Variants in STK24 observed in about 807,000 individuals in gnomAD.
STK24 encodes serine/threonine kinase 24.
STK24 carries 21 observed loss-of-function variants against 55.6 expected under a neutral mutation model. That is an observed-to-expected ratio of 0.38 (90% CI 0.27 to 0.54). The LOEUF (loss-of-function observed/expected upper bound fraction) is 0.54. STK24 is among the 20% of genes least tolerant of loss of function. The pLI is 0.79. For missense variants in STK24, 383 were observed against 538.4 expected (o/e 0.71, Z 2.86); for synonymous variants, 200 against 215.2 (o/e 0.93, Z 0.62).
Position 98,446,065 on chromosome 13 carries a change from G to A in STK24, c.*7108C>T, listed in dbSNP as rs190014731. On this transcript the variant is annotated 3_prime_UTR_variant, in exon 11 of 11. Transcript: ENST00000539966. ...CTGTGCCCTCCTGGGGCAGGTGCCC[G>A]CTGTGCTTCTCACAGGCCTCCTTGC... 5.8e-4 allele frequency: 862 copies of A among 1,479,498 alleles called. 1 individual carries two copies. The highest frequency in any genetic ancestry group is 6.7e-4 in the Non-Finnish European group (708 of 1,058,096). 91.6% of individuals were successfully genotyped at this position (1,479,498 alleles called of 1,614,324 possible).
intron 1 of STK24, among the ~76,000 whole-genome samples, chr13:98,531,624 A>C (rs1896581540): frequency 6.6e-6 from 1 of 152,166 alleles, no homozygotes; most frequent in African/African-American, 2.4e-5. Flanking sequence ...CTTAATAAGA[A>C]GTTTAAGGTC....
chr13:98,523,310 G>T (rs1896325198), intron 1 of STK24, among the ~76,000 whole-genome samples: 1 of 152,170 alleles, frequency 6.6e-6, no homozygotes, highest in Admixed American at 6.5e-5. Context: ...TTTAAAAACA[G>T]GCGACAAGAA....
chr13:98,448,387 A>G lies in STK24; in HGVS notation c.*4786T>C. Reference sequence around the variant, plus strand: ...CGTTTCCTTTCTTCTGTATTAATGAAGCCTGGTAAAATTAACACCTGTCTG... The same window carrying G: ...CGTTTCCTTTCTTCTGTATTAATGAGGCCTGGTAAAATTAACACCTGTCTG... On this transcript the variant is annotated 3_prime_UTR_variant, in exon 11 of 11. Coordinates refer to ENST00000539966, the MANE Select transcript of STK24 (RefSeq NM_001032296.4). The G allele has an allele frequency of 8.1e-7, 1 of 1,232,250 alleles. No homozygotes were observed. The highest frequency in any genetic ancestry group is 1.7e-5 in the Admixed American group (1 of 58,274). 76.3% of individuals were successfully genotyped at this position (1,232,250 alleles called of 1,614,324 possible). A position where few individuals can be genotyped will look rare whatever the true frequency, so the allele number is the denominator to read the frequency against.
intron 2 of STK24, among the ~76,000 whole-genome samples, chr13:98,513,529 C>T (rs771960991): frequency 6.6e-5 from 10 of 152,132 alleles, no homozygotes; most frequent in Non-Finnish European, 1.0e-4. Context: ...GGGGCAGTGG[C>T]AGGAGGAACA....
chr13:98,548,861 C>CAAAAAAAAAAAAA (rs55793722), intron 1 of STK24, among the ~76,000 whole-genome samples: 2 of 37,804 alleles, frequency 5.3e-5, no homozygotes, highest in African/African-American at 1.8e-4. Flanking sequence ...GACTCTGTCT[C>CAAAAAAAAAAAAA]AAAAAAAAAA....
Position 98,522,553 on chromosome 13 carries a change from C to T in STK24, c.43-3080G>A, listed in dbSNP as rs1896301518. ...CAGGCCTTCCTTCTGAACAGGAACCCCCCAGACCAGCTGCTTCCCAAGCAT... is the reference window on the plus strand; with the variant it reads ...CAGGCCTTCCTTCTGAACAGGAACCTCCCAGACCAGCTGCTTCCCAAGCAT... On this transcript the variant is annotated intron_variant, in intron 1 of 10. Transcript: ENST00000539966. Among the ~76,000 whole-genome samples the T allele has an allele frequency of 2.6e-5, 4 of 152,188 alleles. No homozygotes were observed. The South Asian group carries it at 8.3e-4, about 32-fold the overall frequency.
At chr13:98,501,026 T>C (rs1418031889) in intron 2 of STK24, among the ~76,000 whole-genome samples, 1 of 1,626 alleles carries the variant, frequency 6.2e-4, no homozygotes, top group African/African-American at 2.3e-3. Context: ...AACTTTGAAA[T>C]GAAATGAGAA....
At chr13:98,527,026 A>G (rs1337920485) in intron 1 of STK24, among the ~76,000 whole-genome samples, 1 of 152,250 alleles carries the variant, frequency 6.6e-6, no homozygotes, top group Admixed American at 6.5e-5. Flanking sequence ...AGTGACATAT[A>G]TCGATACACA....
At chr13:98,557,901 T>C (rs1489614483) in intron 1 of STK24, among the ~76,000 whole-genome samples, 1 of 152,230 alleles carries the variant, frequency 6.6e-6, no homozygotes, top group Non-Finnish European at 1.5e-5. Flanking sequence ...CTTTTGAACA[T>C]TCTAATCTGT....
At chr13:98,559,741 C>A (rs560182643) in intron 1 of STK24, among the ~76,000 whole-genome samples, 6 of 152,096 alleles carry the variant, frequency 3.9e-5, no homozygotes, top group African/African-American at 1.2e-4. Flanking sequence ...CTAAAGACAA[C>A]CAATCATACC....
At chr13:98,458,812 C>A (rs1566343485) in intron 9 of STK24, among the ~76,000 whole-genome samples, 1 of 152,206 alleles carries the variant, frequency 6.6e-6, no homozygotes, top group African/African-American at 2.4e-5. Context: ...GCAGGGACGC[C>A]AACACCCGTC....
At chr13:98,489,539 A>C (rs756821096) in intron 2 of STK24, among the ~76,000 whole-genome samples, 3 of 152,344 alleles carry the variant, frequency 2.0e-5, no homozygotes, top group Non-Finnish European at 2.9e-5. Flanking sequence ...AGGAACTTCT[A>C]ATGACAGAAA....
rs1364253793 is a variant in STK24, at chr13:98,576,820, G to T, written c.-34C>A. The T allele has an allele frequency of 3.2e-6, 4 of 1,254,556 alleles. No individual in the cohort carries two copies. The highest frequency in any genetic ancestry group is 4.0e-6 in the Non-Finnish European group (4 of 996,044). 77.7% of individuals were successfully genotyped at this position (1,254,556 alleles called of 1,614,324 possible). On this transcript the variant is annotated 5_prime_UTR_variant, in exon 1 of 11. Coordinates refer to ENST00000539966, the MANE Select transcript of STK24 (RefSeq NM_001032296.4). Reference sequence around the variant, plus strand: ...GGACGGCCACTTCCTGGGACGGGACGGCCGGGCCGCGACGATCCGCGCGGG... The same window carrying T: ...GGACGGCCACTTCCTGGGACGGGACTGCCGGGCCGCGACGATCCGCGCGGG...
chr13:98,522,011 C>G (rs1360467510), intron 1 of STK24: 1 of 1,434,664 alleles, frequency 7.0e-7, no homozygotes, highest in African/African-American at 1.4e-5. Flanking sequence ...CCTCCTCCTC[C>G]ACTCTCTCCT....
chr13:98,497,480 G>A (rs544710498), intron 2 of STK24, among the ~76,000 whole-genome samples: 2 of 152,276 alleles, frequency 1.3e-5, no homozygotes, highest in East Asian at 1.9e-4. Context: ...ATACAGTGAC[G>A]ATGCCCTAGT....
intron 1 of STK24, among the ~76,000 whole-genome samples, chr13:98,538,925 G>A (rs1417030120): frequency 3.3e-5 from 5 of 152,136 alleles, no homozygotes; most frequent in African/African-American, 1.2e-4. Context: ...TTCTGCCCTC[G>A]CCACCTGTCA....
At chr13:98,568,126 A>G (rs1897637023) in intron 1 of STK24, among the ~76,000 whole-genome samples, 1 of 151,944 alleles carries the variant, frequency 6.6e-6, no homozygotes, top group African/African-American at 2.4e-5. Flanking sequence ...CCTGCCAAGT[A>G]GCTGGGATTA....
intron 9 of STK24, among the ~76,000 whole-genome samples, 191 bp from the exon 10 acceptor site, chr13:98,457,495 A>T (rs1594569465): frequency 8.3e-6 from 1 of 121,188 alleles, no homozygotes. Flanking sequence ...TGTGAGACGG[A>T]GTCTGGCTTT....
At position 98,519,486 on chromosome 13, in the gene STK24, G is replaced by T. The variant is rs1896182871; in HGVS notation, c.43-13C>A. 1 of 1,609,560 alleles carries T rather than the reference G, an allele frequency of 6.2e-7. No homozygotes were observed. The highest frequency in any genetic ancestry group is 2.2e-5 in the East Asian group (1 of 44,864). On this transcript the variant is annotated splice_polypyrimidine_tract_variant and intron_variant, in intron 1 of 10. Coordinates refer to ENST00000539966, the MANE Select transcript of STK24 (RefSeq NM_001032296.4). ...CTGCCTTTAGGTTCTGTAGAGAGAA[G>T]GAAGAGAAAAGGGAAACTTTAGTCC...
Sources: gnomAD v4.1 joint callset for allele counts (sites outside exome capture counted in the v4.1 genomes callset) on GRCh38, gnomAD v4.1.1 for gene constraint, MANE v1.5 for transcripts, NCBI Gene and HGNC (gene_info 2026-07-23, HGNC 2026-07-21) for gene names.